INTS4: variants seen among roughly 807,000 people sequenced by gnomAD.
INTS4 encodes the protein integrator complex subunit 4, also known as MSTP093.
A neutral mutation model predicts 119.5 loss-of-function variants in INTS4; 70 were observed. That is an observed-to-expected ratio of 0.59 (90% CI 0.48 to 0.71). The LOEUF (loss-of-function observed/expected upper bound fraction) is 0.71, where lower values mean the gene tolerates loss of function less well. INTS4 is among the 30% of genes least tolerant of loss of function. INTS4 has a pLI of 0.00. For synonymous variants in INTS4, 316 were observed against 419.6 expected, an observed-to-expected ratio of 0.75 and a Z score of 3.02; for missense variants, 867 against 1,173.2, an observed-to-expected ratio of 0.74 and a Z score of 3.81.
chr11:77,902,051 A>T (rs528701962), intron 17 of INTS4, among the ~76,000 whole-genome samples: 2 of 152,232 alleles, frequency 1.3e-5, no homozygotes, highest in African/African-American at 4.8e-5. Flanking sequence ...CCCCAGATCA[A>T]GTCCCCGATC....
chr11:77,875,128 C>CAAAG (rs964294365), downstream of INTS4, among the ~76,000 whole-genome samples: 1 of 152,034 alleles, frequency 6.6e-6, no homozygotes, highest in African/African-American at 2.4e-5. Flanking sequence ...TCAATCATCT[C>CAAAG]AAAGCAAATA....
chr11:77,936,837 G>T (rs552476065), intron 10 of INTS4, among the ~76,000 whole-genome samples: 1 of 152,202 alleles, frequency 6.6e-6, no homozygotes, highest in African/African-American at 2.4e-5. Context: ...TAATGCATGC[G>T]TAATGAAAGT....
chr11:77,899,716 G>C (rs1287788340), intron 18 of INTS4, among the ~76,000 whole-genome samples: 2 of 151,632 alleles, frequency 1.3e-5, no homozygotes, highest in Non-Finnish European at 2.9e-5. Context: ...CATGAGTAAA[G>C]ACCTAAAAAC....
At chr11:77,937,132 A>G (rs1454155413) in intron 10 of INTS4, among the ~76,000 whole-genome samples, 2 of 152,004 alleles carry the variant, frequency 1.3e-5, no homozygotes, top group East Asian at 3.9e-4. Context: ...CCAAGGTCAC[A>G]CCACTGCACT....
chr11:77,911,306 C>T (rs1179891760), intron 15 of INTS4, among the ~76,000 whole-genome samples: 1 of 152,234 alleles, frequency 6.6e-6, no homozygotes, highest in Non-Finnish European at 1.5e-5. Flanking sequence ...AGACCATAGA[C>T]TAGCTAAGCC....
intron 1 of INTS4, among the ~76,000 whole-genome samples, chr11:77,993,637 A>C (rs1047112927): frequency 7.0e-5 from 6 of 85,648 alleles, no homozygotes; most frequent in African/African-American, 1.0e-4. Context: ...GTATTGACAT[A>C]TTTTGTATTT....
At chr11:77,932,974 G>A (rs1431767248) in intron 10 of INTS4, among the ~76,000 whole-genome samples, 2 of 149,378 alleles carry the variant, frequency 1.3e-5, no homozygotes, top group Non-Finnish European at 3.0e-5. Context: ...GGGGGGCTGG[G>A]GGAGGGATAG....
chr11:77,956,855 C>T (rs1253209114), intron 7 of INTS4, among the ~76,000 whole-genome samples: 1 of 152,056 alleles, frequency 6.6e-6, no homozygotes, highest in African/African-American at 2.4e-5. Flanking sequence ...TTGAATAGTT[C>T]AAATCCTAGA....
intron 19 of INTS4, among the ~76,000 whole-genome samples, chr11:77,893,146 A>T (rs1952351785): frequency 6.6e-6 from 1 of 152,020 alleles, no homozygotes; most frequent in African/African-American, 2.4e-5. Flanking sequence ...AAGTCTGGTC[A>T]CTCCCTCGAC....
chr11:77,942,156 T>C (rs1446391064), intron 8 of INTS4, among the ~76,000 whole-genome samples: 3 of 152,144 alleles, frequency 2.0e-5, no homozygotes, highest in Non-Finnish European at 4.4e-5. Flanking sequence ...AGACAACAGC[T>C]GTACACTCAA....
At chr11:77,898,453 C>A (rs1400643384) in intron 18 of INTS4, among the ~76,000 whole-genome samples, 1 of 152,162 alleles carries the variant, frequency 6.6e-6, no homozygotes, top group South Asian at 2.1e-4. Flanking sequence ...TGAGCCACTG[C>A]GCCCGGCCAA....
chr11:77,978,718 T>G (rs1240601378), intron 4 of INTS4: 1 of 185,326 alleles, frequency 5.4e-6, no homozygotes, highest in Admixed American at 5.8e-5. Context: ...GGTACTTACT[T>G]GAAGGATTGT....
At position 77,981,448 on chromosome 11, in the gene INTS4, T is replaced by C; in HGVS notation, c.364+11A>G. On this transcript the variant is annotated intron_variant, in intron 3 of 22. Transcript: ENST00000534064. Reference sequence around the variant, plus strand: ...CTGCTCTGACTATAGAGCTTTTAAATTGCAACTTACTTTCATTCTGCAGGA... The same window carrying C: ...CTGCTCTGACTATAGAGCTTTTAAACTGCAACTTACTTTCATTCTGCAGGA... 1 of 1,368,514 alleles carries C rather than the reference T, an allele frequency of 7.3e-7. No individual in the cohort carries two copies. 84.8% of individuals were successfully genotyped at this position (1,368,514 alleles called of 1,614,324 possible).
chr11:77,931,171 A>G lies in INTS4; in HGVS notation c.1166-2624T>C, dbSNP rs145823612. On this transcript the variant is annotated intron_variant, in intron 10 of 22. Coordinates refer to ENST00000534064, the MANE Select transcript of INTS4 (RefSeq NM_033547.4). ...CTTTCTGTAATATGTGATCCCTAAAAACAATAACTAAAAGAGCTGCTAAGC... is the reference window on the plus strand; with the variant it reads ...CTTTCTGTAATATGTGATCCCTAAAGACAATAACTAAAAGAGCTGCTAAGC... 8.2e-3 allele frequency among the ~76,000 whole-genome samples: 1,253 copies of G among 152,312 alleles called. 18 individuals are homozygous for G. Among genetic ancestry groups the G allele is most frequent in the African/African-American group, 0.028 (1,146 of 41,552 alleles).
intron 9 of INTS4, among the ~76,000 whole-genome samples, chr11:77,939,885 A>G (rs1265744395): frequency 2.0e-5 from 3 of 152,036 alleles, no homozygotes; most frequent in African/African-American, 7.2e-5. Context: ...AAACAAAAAA[A>G]CCATGCACAA....
chr11:77,980,038 A>G (rs1856143109), intron 3 of INTS4, among the ~76,000 whole-genome samples: 1 of 151,976 alleles, frequency 6.6e-6, no homozygotes, highest in South Asian at 2.1e-4. Flanking sequence ...CCTTCAAGAT[A>G]AAGTCCAAAT....
chr11:77,955,344 G>A (rs1402544822), intron 8 of INTS4, among the ~76,000 whole-genome samples: 1 of 152,040 alleles, frequency 6.6e-6, no homozygotes, highest in Non-Finnish European at 1.5e-5. Context: ...CTCAAGAAAA[G>A]AAAAAGGAAA....
chr11:77,882,142 T>C (rs1025201711), intron 22 of INTS4, among the ~76,000 whole-genome samples: 1 of 152,148 alleles, frequency 6.6e-6, no homozygotes, highest in African/African-American at 2.4e-5. Flanking sequence ...TCTCAGACTC[T>C]TGGGCTCAAT....
At chr11:77,966,604 AAT>A (rs1255457428) in intron 4 of INTS4, among the ~76,000 whole-genome samples, 4 of 152,036 alleles carry the variant, frequency 2.6e-5, no homozygotes, top group Non-Finnish European at 5.9e-5. Context: ...GCTGACCATA[AAT>A]GCATGGGTTT....
Sources: gnomAD v4.1 joint callset for allele counts (sites outside exome capture counted in the v4.1 genomes callset) on GRCh38, gnomAD v4.1.1 for gene constraint, MANE v1.5 for transcripts, NCBI Gene and HGNC (gene_info 2026-07-23, HGNC 2026-07-21) for gene names.